Variants in LRP4 observed in about 807,000 individuals in gnomAD.
The protein encoded by LRP4 is LDL receptor related protein 4, also known as low-density lipoprotein receptor-related protein 4.
LRP4 carries 95 observed loss-of-function variants against 220.3 expected under a neutral mutation model. The ratio of observed to expected loss-of-function variants is 0.43; its 90% CI spans 0.37 to 0.51. The LOEUF is 0.51. Among genes scored for constraint, LRP4 ranks in the 20% least tolerant of loss-of-function variants. The probability of loss-of-function intolerance (pLI) is 0.00; values close to 1 mark genes in which losing one functional copy is unlikely to be tolerated. For missense variants in LRP4, 1,925 were observed against 2,567.0 expected (o/e 0.75, Z 5.40); for synonymous variants, 903 against 954.6 (o/e 0.95, Z 1.00).
chr11:46,891,197 T>G (rs945413260), intron 13 of LRP4, among the ~76,000 whole-genome samples: 14 of 152,204 alleles, frequency 9.2e-5, no homozygotes, highest in South Asian at 8.3e-4. Flanking sequence ...CACTGCAACC[T>G]CCACCTCCTG....
rs763380383 is a variant in LRP4, at chr11:46,876,563, G to A, written c.3439C>T (p.Arg1147Trp). Residue 1147 changes from arginine (R) to tryptophan (W), a missense_variant, in exon 25 of 38, where the codon CGG becomes TGG. Arg to Trp is a moderately radical substitution (Grantham distance 101). Coordinates refer to ENST00000378623, the MANE Select transcript of LRP4 (RefSeq NM_002334.4). ...CCGTCCAGGTTGCCCACTTCAATCC[G>A]GTTTGTTCCCGTGTCTGTCCAGTAT... The part of the protein sequence containing the change: ...KVYWTDTGTN[R>W]IEVGNLDGSM... The A allele has an allele frequency of 1.2e-6, 2 of 1,614,154 alleles. No homozygotes were observed. Among genetic ancestry groups the A allele is most frequent in the South Asian group, 1.1e-5 (1 of 91,086 alleles).
rs1205401470 is a variant in LRP4 at position 46,918,226 on chromosome 11, G to A, written c.52+102C>T. 1.3e-5 allele frequency: 16 copies of A among 1,273,082 alleles called. No individual in the cohort carries two copies. The highest frequency in any genetic ancestry group is 1.4e-5 in the Non-Finnish European group (13 of 927,712). The allele number at this position is 1,273,082 out of a possible 1,614,324, so 78.9% of individuals were successfully genotyped here. A position where few individuals can be genotyped will look rare whatever the true frequency, so the allele number is the denominator to read the frequency against. ...CCCCAGGGCCACGGCTAGGAGCGAG[G>A]GCGAGGGGTCTCAGGCCCCGGCCCG... is the stretch of plus-strand genomic sequence containing the variant. On this transcript the variant is annotated intron_variant, in intron 1 of 37. Transcript: ENST00000378623. The surrounding 1 kb of genome is among the most constrained non-coding windows in gnomAD (Gnocchi z 6.0).
chr11:46,897,334 C>CT (rs60604776), intron 7 of LRP4, among the ~76,000 whole-genome samples: 49,303 of 127,966 alleles, frequency 0.39, 10,063 homozygotes, highest in South Asian at 0.48. Flanking sequence ...GCCTGTTTGT[C>CT]TTTTTTTTTT....
chr11:46,902,468 G>A (rs1017314113), intron 2 of LRP4, among the ~76,000 whole-genome samples: 1 of 151,974 alleles, frequency 6.6e-6, no homozygotes, highest in East Asian at 1.9e-4. Flanking sequence ...CAAATATGCG[G>A]TACATATACA....
intron 37 of LRP4, among the ~76,000 whole-genome samples, chr11:46,862,111 CAGAATTCT>C (rs1285340190): frequency 6.8e-6 from 1 of 146,950 alleles, no homozygotes; most frequent in Non-Finnish European, 1.5e-5. Context: ...GGTAAACCTT[CAGAATTCT>C]AGAGAAATTT....
Position 46,876,606 on chromosome 11 carries a change from A to G in LRP4, c.3396T>C (p.Asp1132=), listed in dbSNP as rs1335316372. The change falls in exon 25 of 38, where the codon GAT becomes GAC. Residue 1132 remains aspartate (D), a synonymous_variant. Transcript: ENST00000378623. ...TCCAGTATACTTTCCGGCCAATGGCATCAACCGCGAGCCCATCTGTGGTCT... is the reference window on the plus strand; with the variant it reads ...TCCAGTATACTTTCCGGCCAATGGCGTCAACCGCGAGCCCATCTGTGGTCT... ...GLQTTDGLAV[D]AIGRKVYWTD... 1.2e-6 allele frequency: 2 copies of G among 1,614,186 alleles called. No homozygotes were observed. The highest frequency in any genetic ancestry group is 2.2e-5 in the East Asian group (1 of 44,890).
chr11:46,868,257 C>T lies in LRP4; in HGVS notation c.4952-143G>A, dbSNP rs1295631373. On this transcript the variant is annotated intron_variant, in intron 33 of 37. Transcript: ENST00000378623. Reference sequence around the variant, plus strand: ...CCTTCATTAGTAGCCCTTCTTAATACTATCAATAAAAAGGAGTTGGATTCA... The same window carrying T: ...CCTTCATTAGTAGCCCTTCTTAATATTATCAATAAAAAGGAGTTGGATTCA... 3 of 938,120 alleles carry T rather than the reference C, an allele frequency of 3.2e-6. No individual in the cohort carries two copies. The Admixed American group carries it at 6.1e-5, about 19-fold the overall frequency. The allele number at this position is 938,120 out of a possible 1,614,324, so 58.1% of individuals were successfully genotyped here.
At chr11:46,880,516 G>T (rs1941129323) in intron 20 of LRP4, among the ~76,000 whole-genome samples, 1 of 152,036 alleles carries the variant, frequency 6.6e-6, no homozygotes, top group Non-Finnish European at 1.5e-5. Context: ...AGGTGCCTGT[G>T]GTCCCAGCTA....
At position 46,898,517 on chromosome 11, in the gene LRP4, T is replaced by C. The variant is rs200769760; in HGVS notation, c.796+41A>G. ...GGCCTCTTTGGCTCCACAAGCCTTC[T>C]CCTTAGTTCAAGCCCAACCTAATTC... On this transcript the variant is annotated intron_variant, in intron 7 of 37. Coordinates refer to ENST00000378623, the MANE Select transcript of LRP4 (RefSeq NM_002334.4). 93 of 1,613,344 alleles carry C rather than the reference T, an allele frequency of 5.8e-5. No individual in the cohort carries two copies. In the Admixed American group the frequency reaches 1.0e-3, roughly 18 times the overall value.
chr11:46,858,959 A>T lies in LRP4; in HGVS notation c.*24T>A. The T allele has an allele frequency of 6.2e-7, 1 of 1,607,584 alleles. No individual in the cohort carries two copies. The highest frequency in any genetic ancestry group is 8.5e-7 in the Non-Finnish European group (1 of 1,174,846). Reference sequence around the variant, plus strand: ...CGTCCATAAAGGAGAAGGAACAGGCAGGCAGGGAAGAGAATGTGGGCATTT... The same window carrying T: ...CGTCCATAAAGGAGAAGGAACAGGCTGGCAGGGAAGAGAATGTGGGCATTT... On this transcript the variant is annotated 3_prime_UTR_variant, in exon 38 of 38. Coordinates refer to ENST00000378623, the MANE Select transcript of LRP4 (RefSeq NM_002334.4).
intron 18 of LRP4, 72 bp from the exon 19 acceptor site, chr11:46,884,048 A>G (rs1488989632): frequency 3.3e-6 from 4 of 1,201,900 alleles, no homozygotes; most frequent in Non-Finnish European, 5.0e-6. Flanking sequence ...GGCCAACACA[A>G]GAGCCTGGTA....
chr11:46,858,995 C>A lies in LRP4; in HGVS notation c.5706G>T (p.Glu1902Asp). Reference protein sequence around the residue: ...GWKHERKLSSESQV With the variant: ...GWKHERKLSSDSQV ...AGAATGTGGGCATTTAGACCTGGCT[C>A]TCTGAGGAGAGCTTGCGTTCATGTT... Residue 1902 changes from glutamate (E) to aspartate (D), a missense_variant, in exon 38 of 38, where the codon GAG (glutamate) becomes GAT (aspartate). By Grantham distance (45) the Glu-to-Asp change is conservative. Coordinates refer to ENST00000378623, the MANE Select transcript of LRP4 (RefSeq NM_002334.4). 1 of 1,614,050 alleles carries A rather than the reference C, an allele frequency of 6.2e-7. No homozygotes were observed. Among genetic ancestry groups the A allele is most frequent in the Non-Finnish European group, 8.5e-7 (1 of 1,180,024 alleles).
chr11:46,894,480 G>A (rs1941482922), intron 12 of LRP4, 109 bp downstream of exon 12: 1 of 820,348 alleles, frequency 1.2e-6, no homozygotes, highest in South Asian at 1.5e-5. Context: ...TTCCCTGGAA[G>A]AAAAAGATGT....
intron 1 of LRP4, among the ~76,000 whole-genome samples, chr11:46,906,716 C>A (rs1941766056): frequency 6.6e-6 from 1 of 152,158 alleles, no homozygotes; most frequent in Non-Finnish European, 1.5e-5. Flanking sequence ...GAACCTTAAG[C>A]TCCGTTTGTT....
At chr11:46,877,479 AT>A in intron 22 of LRP4, 140 bp from the exon 23 acceptor site, 5 of 945,022 alleles carry the variant, frequency 5.3e-6, no homozygotes, top group Non-Finnish European at 8.2e-6. Flanking sequence ...AATTATTATT[AT>A]TTTTTGAGAC....
At chr11:46,895,043 G>T in intron 11 of LRP4, 123 bp downstream of exon 11, 1 of 1,409,848 alleles carries the variant, frequency 7.1e-7, no homozygotes, top group Non-Finnish European at 9.9e-7. Flanking sequence ...GAATGCAACT[G>T]TTGCTGCATT....
chr11:46,909,345 G>A (rs1450239650), intron 1 of LRP4, among the ~76,000 whole-genome samples: 63 of 150,538 alleles, frequency 4.2e-4, no homozygotes, highest in South Asian at 2.1e-4. Flanking sequence ...GGTGGCTCAC[G>A]CCTGTAATCC....
intron 3 of LRP4, 133 bp from the exon 4 acceptor site, chr11:46,900,109 C>A: frequency 1.0e-6 from 1 of 964,722 alleles, no homozygotes; most frequent in South Asian, 1.3e-5. Context: ...GGCTGCCTCT[C>A]AGCAGCTTAT....
rs777777386 is a variant in LRP4, at chr11:46,865,069, T to TA, written c.5155+49dup. 24 of 1,467,994 alleles carry TA rather than the reference T, an allele frequency of 1.6e-5. No individual in the cohort carries two copies. In the Middle Eastern group the frequency reaches 8.5e-4, roughly 52 times the overall value. The allele number at this position is 1,467,994 out of a possible 1,614,324, so 90.9% of individuals were successfully genotyped here. A position where few individuals can be genotyped will look rare whatever the true frequency, so the allele number is the denominator to read the frequency against. On this transcript the variant is annotated intron_variant, in intron 35 of 37. Transcript: ENST00000378623. The stretch of plus-strand genomic sequence containing the variant: ...GTTATGAAAGATATCAGTGGAGACT[T>TA]AGATTCATTACATCTTCTTTTCCGG...
Sources: gnomAD v4.1 joint callset for allele counts (sites outside exome capture counted in the v4.1 genomes callset) on GRCh38, gnomAD v4.1.1 for gene constraint, Gnocchi (gnomAD v3.1) non-coding constraint, MANE v1.5 for transcripts, NCBI Gene and HGNC (gene_info 2026-07-23, HGNC 2026-07-21) for gene names.